DEPDC5: variants seen among roughly 807,000 people sequenced by gnomAD.
DEPDC5 encodes the protein DEP domain containing 5, GATOR1 subcomplex subunit.
A neutral mutation model predicts 217.3 loss-of-function variants in DEPDC5; 73 were observed. That is an observed-to-expected ratio of 0.34 (90% CI 0.28 to 0.41). The LOEUF (loss-of-function observed/expected upper bound fraction) is 0.41. Ranked by LOEUF, DEPDC5 falls within the 10% of genes least tolerant of loss-of-function variation. DEPDC5 has a pLI of 1.00. For missense variants in DEPDC5, 1,675 were observed against 2,070.1 expected, an observed-to-expected ratio of 0.81 and a Z score of 3.70; for synonymous variants, 733 against 756.7, an observed-to-expected ratio of 0.97 and a Z score of 0.51.
chr22:31,890,074 T>C (rs1426791692), intron 38 of DEPDC5, among the ~76,000 whole-genome samples: 1 of 152,048 alleles, frequency 6.6e-6, no homozygotes, highest in East Asian at 1.9e-4. Context: ...AGAGGAGAGT[T>C]ACAAGTTAGG....
At chr22:31,792,438 T>C (rs768590879) in intron 11 of DEPDC5, among the ~76,000 whole-genome samples, 2 of 151,738 alleles carry the variant, frequency 1.3e-5, no homozygotes, top group African/African-American at 2.4e-5. Flanking sequence ...AAACCCCATC[T>C]CTACTAAAAA....
chr22:31,880,254 C>G (rs773178882), intron 38 of DEPDC5: 21 of 163,692 alleles, frequency 1.3e-4, no homozygotes, highest in Non-Finnish European at 2.8e-4. Context: ...AGGATGTAAA[C>G]TGAAACACTT....
chr22:31,763,577 T>C (rs1021543198), intron 4 of DEPDC5, among the ~76,000 whole-genome samples: 2 of 151,738 alleles, frequency 1.3e-5, no homozygotes, highest in African/African-American at 2.4e-5. Flanking sequence ...CCCGAGTAGC[T>C]AAGACCCCAG....
intron 10 of DEPDC5, among the ~76,000 whole-genome samples, chr22:31,791,097 G>A (rs763834149): frequency 3.9e-5 from 6 of 152,056 alleles, no homozygotes; most frequent in African/African-American, 1.2e-4. Flanking sequence ...CTGGTGACGC[G>A]TGTCTGTAGT....
At chr22:31,893,785 G>T in intron 39 of DEPDC5, 34 bp downstream of exon 39, 1 of 1,533,680 alleles carries the variant, frequency 6.5e-7, no homozygotes. Context: ...CAGGCCTTTG[G>T]CTCACCTCAC....
intron 7 of DEPDC5, among the ~76,000 whole-genome samples, chr22:31,774,307 C>T (rs1264643829): frequency 2.3e-4 from 34 of 151,014 alleles, no homozygotes; most frequent in Admixed American, 2.2e-3. Flanking sequence ...TCAAGCAATT[C>T]TCCTGCCTCA....
At chr22:31,755,365 G>A (rs1195912557) in intron 2 of DEPDC5, 1 of 226,448 alleles carries the variant, frequency 4.4e-6, no homozygotes, top group Non-Finnish European at 8.9e-6. Context: ...GAGCAGGTAT[G>A]ATCAAAGCAT....
At chr22:31,837,272 A>C (rs1022026603) in intron 26 of DEPDC5, 117 bp downstream of exon 26, 11 of 1,082,888 alleles carry the variant, frequency 1.0e-5, no homozygotes, top group Non-Finnish European at 1.4e-5. Context: ...TTAAAATTGG[A>C]ACGATATAGA....
At position 31,784,895 on chromosome 22, in the gene DEPDC5, C is replaced by G. The variant is rs2084823950; in HGVS notation, c.624+20C>G. 1 of 1,603,532 alleles carries G rather than the reference C, an allele frequency of 6.2e-7. No homozygotes were observed. The highest frequency in any genetic ancestry group is 8.5e-7 in the Non-Finnish European group (1 of 1,172,830). On this transcript the variant is annotated intron_variant, in intron 10 of 42. Coordinates refer to ENST00000651528, the MANE Select transcript of DEPDC5 (RefSeq NM_001242896.3). ...TGGAAGGTACATTTCTTCTTACACA[C>G]TAAGTCTCATTATGTAAACATTACT... is the stretch of plus-strand genomic sequence containing the variant.
chr22:31,836,115 G>C (rs2090976458), intron 25 of DEPDC5, among the ~76,000 whole-genome samples: 1 of 152,242 alleles, frequency 6.6e-6, no homozygotes, highest in Non-Finnish European at 1.5e-5. Flanking sequence ...AGCTCAACCA[G>C]GGAGGATTTT....
intron 8 of DEPDC5, 124 bp from the exon 9 acceptor site, chr22:31,783,783 G>A (rs2084700833): frequency 5.7e-6 from 4 of 705,750 alleles, no homozygotes; most frequent in Middle Eastern, 2.8e-4. Context: ...ATTTTTAAGT[G>A]TATAGTTCAA....
At chr22:31,899,630 G>T (rs2093613410) in intron 40 of DEPDC5, among the ~76,000 whole-genome samples, 1 of 152,160 alleles carries the variant, frequency 6.6e-6, no homozygotes, top group Admixed American at 6.5e-5. Flanking sequence ...GACCTCAGGT[G>T]ATCTGCCCGC....
chr22:31,865,353 G>A (rs1191954075), intron 33 of DEPDC5, among the ~76,000 whole-genome samples: 1 of 152,120 alleles, frequency 6.6e-6, no homozygotes, highest in Non-Finnish European at 1.5e-5. Context: ...AATTAGCTGG[G>A]TGTCGTGGTG....
At chr22:31,828,584 T>C (rs764446865) in intron 24 of DEPDC5, among the ~76,000 whole-genome samples, 69 of 152,078 alleles carry the variant, frequency 4.5e-4, no homozygotes, top group Non-Finnish European at 6.8e-4. Context: ...TTCTTTCTTA[T>C]AACCTTCTTA....
intron 24 of DEPDC5, among the ~76,000 whole-genome samples, chr22:31,824,279 G>C (rs898833601): frequency 1.3e-5 from 2 of 152,142 alleles, no homozygotes; most frequent in Non-Finnish European, 2.9e-5. Context: ...CTGGGAGGCG[G>C]AGGTTGCAGT....
rs188324437 is a variant in DEPDC5, at chr22:31,823,767, A to C, written c.2104+977A>C. 1.1e-3 allele frequency among the ~76,000 whole-genome samples: 172 copies of C among 152,298 alleles called. 2 individuals are homozygous for C. Among genetic ancestry groups the C allele is most frequent in the Middle Eastern group, 3.4e-3 (1 of 294 alleles). On this transcript the variant is annotated intron_variant, in intron 24 of 42. Transcript: ENST00000651528. Reference sequence around the variant, plus strand: ...TTAAGTTATTAAATATATTTTATACATGGGCAACTTAACGTCCAGAGAGGT... The same window carrying C: ...TTAAGTTATTAAATATATTTTATACCTGGGCAACTTAACGTCCAGAGAGGT...
intron 33 of DEPDC5, among the ~76,000 whole-genome samples, chr22:31,866,479 G>A (rs1192003997): frequency 6.6e-6 from 1 of 152,008 alleles, no homozygotes; most frequent in East Asian, 1.9e-4. Flanking sequence ...TCCGCCTCCC[G>A]AGTTCAAGCG....
intron 32 of DEPDC5, among the ~76,000 whole-genome samples, chr22:31,860,900 G>A (rs1430488046): frequency 6.6e-6 from 1 of 152,194 alleles, no homozygotes; most frequent in African/African-American, 2.4e-5. Context: ...TGGGAGGCCA[G>A]GATGTTGCCA....
chr22:31,805,062 T>C lies in DEPDC5; in HGVS notation c.1217+147T>C, dbSNP rs1289749814. 2.3e-5 allele frequency: 16 copies of C among 709,734 alleles called. No homozygotes were observed. The African/African-American group carries it at 2.7e-4, about 12-fold the overall frequency. The allele number at this position is 709,734 out of a possible 1,614,324, so 44.0% of individuals were successfully genotyped here. A position where few individuals can be genotyped will look rare whatever the true frequency, so the allele number is the denominator to read the frequency against. On this transcript the variant is annotated intron_variant, in intron 17 of 42. Coordinates refer to ENST00000651528, the MANE Select transcript of DEPDC5 (RefSeq NM_001242896.3). ...CCAAGTTCTAACATTTGCTCAAAGC[T>C]CTGTACACACAAAGCAGTAGCAGTA...
Sources: allele counts gnomAD v4.1 joint callset (sites outside exome capture counted in the v4.1 genomes callset), GRCh38; gene constraint gnomAD v4.1.1; transcripts MANE v1.5; gene names NCBI Gene and HGNC (gene_info 2026-07-23, HGNC 2026-07-21).